The following CRPPA variants were observed in gnomAD, a reference collection of about 807,000 sequenced individuals.
The protein encoded by CRPPA is CDP-L-ribitol pyrophosphorylase A, also known as D-ribitol-5-phosphate cytidylyltransferase.
A neutral mutation model predicts 52.0 loss-of-function variants in CRPPA; 43 were observed. The observed-to-expected ratio is 0.83, with a 90% CI of 0.65 to 1.07. The LOEUF (loss-of-function observed/expected upper bound fraction) is 1.07, where lower values mean the gene tolerates loss of function less well. Among genes scored for constraint, CRPPA ranks in the 50% least tolerant of loss-of-function variants. The probability of loss-of-function intolerance (pLI) is 0.00; values close to 1 mark genes in which losing one functional copy is unlikely to be tolerated. For missense variants in CRPPA, 629 were observed against 551.7 expected, an observed-to-expected ratio of 1.14 and a Z score of -1.40; for synonymous variants, 250 against 203.5, an observed-to-expected ratio of 1.23 and a Z score of -1.94.
intron 9 of CRPPA, among the ~76,000 whole-genome samples, chr7:16,164,188 T>C (rs947668970): frequency 6.6e-6 from 1 of 152,226 alleles, no homozygotes; most frequent in African/African-American, 2.4e-5. Context: ...CCCATATTTC[T>C]TGGAGGCTTT....
intron 9 of CRPPA, among the ~76,000 whole-genome samples, chr7:16,203,823 C>T (rs1406479476): frequency 6.6e-6 from 1 of 152,184 alleles, no homozygotes; most frequent in Non-Finnish European, 1.5e-5. Flanking sequence ...CTGCCTGGAT[C>T]CTCCTCCAGT....
chr7:16,389,898 A>C (rs1787389529), intron 2 of CRPPA, among the ~76,000 whole-genome samples: 1 of 122,806 alleles, frequency 8.1e-6, no homozygotes, highest in Non-Finnish European at 1.7e-5. Context: ...GGATACAGAG[A>C]ACAAGCCTAG....
chr7:16,238,171 C>T (rs117209702), intron 8 of CRPPA, among the ~76,000 whole-genome samples: 6 of 152,074 alleles, frequency 3.9e-5, no homozygotes, highest in Non-Finnish European at 5.9e-5. Context: ...TATATAATAA[C>T]CTGGAAAATT....
intron 6 of CRPPA, among the ~76,000 whole-genome samples, chr7:16,260,071 C>A (rs2128412834): frequency 6.6e-6 from 1 of 151,714 alleles, no homozygotes; most frequent in Non-Finnish European, 1.5e-5. Context: ...ATATTAACAC[C>A]ACAATAAAAA....
intron 9 of CRPPA, among the ~76,000 whole-genome samples, chr7:16,111,634 G>A (rs1298786107): frequency 6.6e-6 from 1 of 152,136 alleles, no homozygotes; most frequent in East Asian, 1.9e-4. Flanking sequence ...GGATGGAAGT[G>A]GAGAACATTA....
At chr7:16,291,125 T>A (rs1784555364) in intron 5 of CRPPA, among the ~76,000 whole-genome samples, 1 of 151,752 alleles carries the variant, frequency 6.6e-6, no homozygotes, top group African/African-American at 2.4e-5. Flanking sequence ...ACACAAAAAA[T>A]AACAAATGCT....
intron 3 of CRPPA, among the ~76,000 whole-genome samples, chr7:16,324,967 C>G (rs1454369186): frequency 1.3e-5 from 2 of 152,148 alleles, no homozygotes; most frequent in Non-Finnish European, 2.9e-5. Context: ...GATGGTGCAG[C>G]CTTGTTTCTT....
intron 9 of CRPPA, among the ~76,000 whole-genome samples, chr7:16,128,530 T>C (rs747476038): frequency 2.3e-4 from 35 of 152,056 alleles, no homozygotes; most frequent in Admixed American, 1.3e-4. Context: ...GGGCTTCTAA[T>C]AGAAGAAGGA....
intron 3 of CRPPA, among the ~76,000 whole-genome samples, chr7:16,342,806 G>GATAGATAT (rs1785903664): frequency 9.8e-6 from 1 of 101,848 alleles, no homozygotes; most frequent in African/African-American, 3.7e-5. Flanking sequence ...TATCTATATA[G>GATAGATAT]ATATATAGAT....
intron 2 of CRPPA, among the ~76,000 whole-genome samples, chr7:16,403,216 G>A (rs1787868400): frequency 1.3e-5 from 2 of 152,104 alleles, no homozygotes; most frequent in African/African-American, 4.8e-5. Flanking sequence ...AAATAACCCT[G>A]ATGGAATTTT....
At chr7:16,167,616 T>C (rs1781094645) in intron 9 of CRPPA, among the ~76,000 whole-genome samples, 1 of 152,210 alleles carries the variant, frequency 6.6e-6, no homozygotes, top group Non-Finnish European at 1.5e-5. Context: ...TCCAACTTTC[T>C]GCTTATCAGC....
intron 9 of CRPPA, among the ~76,000 whole-genome samples, chr7:16,137,699 C>G (rs1278465541): frequency 6.6e-6 from 1 of 152,036 alleles, no homozygotes; most frequent in South Asian, 2.1e-4. Flanking sequence ...TAGACTGATC[C>G]TATATTTTAG....
Position 16,227,582 on chromosome 7 carries a change from G to T in CRPPA, c.1120-11385C>A, listed in dbSNP as rs541760551. On this transcript the variant is annotated intron_variant, in intron 8 of 9. Coordinates refer to ENST00000407010, the MANE Select transcript of CRPPA (RefSeq NM_001101426.4). ...TGTTTTGTTAATATCTTGTTTTCTTGATATAGAGCCAAGTTTTTTTACATA... is the reference window on the plus strand; with the variant it reads ...TGTTTTGTTAATATCTTGTTTTCTTTATATAGAGCCAAGTTTTTTTACATA... Among the ~76,000 whole-genome samples, 4 of 151,638 alleles carry T rather than the reference G, an allele frequency of 2.6e-5. No individual in the cohort carries two copies. The South Asian group carries it at 8.3e-4, about 31-fold the overall frequency.
intron 9 of CRPPA, among the ~76,000 whole-genome samples, chr7:16,168,494 A>C (rs1481313930): frequency 3.3e-5 from 5 of 151,438 alleles, no homozygotes; most frequent in African/African-American, 1.2e-4. Flanking sequence ...AGTCTGAATA[A>C]ATTAGAACCT....
chr7:16,355,757 G>A (rs1786278659), intron 3 of CRPPA, among the ~76,000 whole-genome samples: 1 of 152,164 alleles, frequency 6.6e-6, no homozygotes, highest in African/African-American at 2.4e-5. Context: ...GAACAGGCTT[G>A]AACTAGAGTG....
chr7:16,353,041 T>A (rs1043993834), intron 3 of CRPPA, among the ~76,000 whole-genome samples: 1 of 152,140 alleles, frequency 6.6e-6, no homozygotes, highest in African/African-American at 2.4e-5. Context: ...AAATGCTGTA[T>A]GATCTCACTT....
chr7:16,111,610 A>C (rs1488046423), intron 9 of CRPPA, among the ~76,000 whole-genome samples: 1 of 152,196 alleles, frequency 6.6e-6, no homozygotes, highest in Non-Finnish European at 1.5e-5. Context: ...AGTAACTGTC[A>C]TTTGCAACCA....
chr7:16,379,877 A>G (rs1347080984), intron 2 of CRPPA, among the ~76,000 whole-genome samples: 1 of 152,202 alleles, frequency 6.6e-6, no homozygotes, highest in Non-Finnish European at 1.5e-5. Flanking sequence ...TATCACCTTA[A>G]GGAGATTTTG....
At chr7:16,324,271 C>T (rs1190568669) in intron 3 of CRPPA, among the ~76,000 whole-genome samples, 1 of 152,176 alleles carries the variant, frequency 6.6e-6, no homozygotes, top group African/African-American at 2.4e-5. Flanking sequence ...ATATTACAGA[C>T]AGCTGCAGAC....
Sources: allele counts gnomAD v4.1 joint callset (sites outside exome capture counted in the v4.1 genomes callset), GRCh38; gene constraint gnomAD v4.1.1; transcripts MANE v1.5; gene names NCBI Gene and HGNC (gene_info 2026-07-23, HGNC 2026-07-21).